Variants in DTX1 observed in about 807,000 individuals in gnomAD.
The protein encoded by DTX1 is deltex E3 ubiquitin ligase 1.
In DTX1, 26 loss-of-function variants were observed where a neutral mutation model predicts 57.8. The observed-to-expected ratio is 0.45, with a 90% CI of 0.33 to 0.62. The LOEUF is 0.62. Among genes scored for constraint, DTX1 ranks in the 20% least tolerant of loss-of-function variants. The probability of loss-of-function intolerance (pLI) is 0.02; values close to 1 mark genes in which losing one functional copy is unlikely to be tolerated. For missense variants in DTX1, 704 were observed against 895.3 expected, an observed-to-expected ratio of 0.79 and a Z score of 2.73; for synonymous variants, 398 against 394.1, an observed-to-expected ratio of 1.01 and a Z score of -0.12.
At chr12:113,060,140 T>C (rs57893303) in intron 2 of DTX1, among the ~76,000 whole-genome samples, 13,800 of 152,264 alleles carry the variant, frequency 0.091, 656 homozygotes, top group Middle Eastern at 0.11. Flanking sequence ...TGGTACAGAT[T>C]AGTACATCTA....
rs1471556175 is a variant in DTX1 at position 113,096,811 on chromosome 12, G to A, written c.1735G>A (p.Glu579Lys). The A allele has an allele frequency of 3.7e-6, 6 of 1,613,784 alleles. No individual in the cohort carries two copies. In the African/African-American group the frequency reaches 4.0e-5, roughly 11 times the overall value. The change falls in exon 10 of 10, where the codon GAG (glutamate) becomes AAG (lysine). Residue 579 changes from glutamate to lysine, a missense_variant. This residue lies in a region of DTX1 where 168 missense variants were observed against 255.6 expected (regional missense o/e 0.66). Coordinates refer to ENST00000548759, the MANE Select transcript of DTX1 (RefSeq NM_004416.3). ...TGESDTVVWNEIHHKTEFGSN... is the reference protein window; with the variant it reads ...TGESDTVVWNKIHHKTEFGSN... ...CGAGTCGGACACCGTGGTGTGGAACGAGATCCACCACAAGACCGAGTTTGG... is the reference window on the plus strand; with the variant it reads ...CGAGTCGGACACCGTGGTGTGGAACAAGATCCACCACAAGACCGAGTTTGG...
intron 2 of DTX1, among the ~76,000 whole-genome samples, chr12:113,065,304 G>A (rs952284765): frequency 6.6e-6 from 1 of 152,200 alleles, no homozygotes; most frequent in African/African-American, 2.4e-5. Context: ...AGCTCAGAGG[G>A]TGGGGAGCCG....
rs1385064620 is a variant in DTX1, at chr12:113,096,989, T to A, written c.*50T>A. On this transcript the variant is annotated 3_prime_UTR_variant, in exon 10 of 10. Transcript: ENST00000548759. Reference sequence around the variant, plus strand: ...CCTGCTTTGCCCCTGGTCCGGCAAATGCCTCCTTCGCCAGGTGTGTCCTGG... The same window carrying A: ...CCTGCTTTGCCCCTGGTCCGGCAAAAGCCTCCTTCGCCAGGTGTGTCCTGG... 3 of 1,541,830 alleles carry A rather than the reference T, an allele frequency of 1.9e-6. No homozygotes were observed. Among genetic ancestry groups the A allele is most frequent in the Non-Finnish European group, 2.6e-6 (3 of 1,145,238 alleles).
chr12:113,071,854 T>G (rs928673268), intron 2 of DTX1, among the ~76,000 whole-genome samples: 7 of 152,212 alleles, frequency 4.6e-5, no homozygotes, highest in African/African-American at 1.7e-4. Context: ...TAATTACTCC[T>G]GCTCTCCAGG....
chr12:113,075,899 G>A (rs188007443), intron 2 of DTX1, among the ~76,000 whole-genome samples: 9 of 152,202 alleles, frequency 5.9e-5, no homozygotes, highest in Admixed American at 5.9e-4. Context: ...CTGTGTGCAG[G>A]TGCTGGGGAT....
At chr12:113,060,304 G>T (rs1000831857) in intron 2 of DTX1, among the ~76,000 whole-genome samples, 2 of 152,138 alleles carry the variant, frequency 1.3e-5, no homozygotes, top group African/African-American at 4.8e-5. Flanking sequence ...ATCAGTCGAG[G>T]TCTTGTGCTG....
At chr12:113,066,315 G>A (rs1442498343) in intron 2 of DTX1, among the ~76,000 whole-genome samples, 1 of 152,140 alleles carries the variant, frequency 6.6e-6, no homozygotes, top group Non-Finnish European at 1.5e-5. Flanking sequence ...GATCACCTGA[G>A]GTCAGGAGTT....
At chr12:113,064,110 T>C (rs1221579595) in intron 2 of DTX1, among the ~76,000 whole-genome samples, 1 of 152,188 alleles carries the variant, frequency 6.6e-6, no homozygotes, top group African/African-American at 2.4e-5. Flanking sequence ...TGCACTACCC[T>C]GGAGGCCTCC....
chr12:113,088,187 C>T (rs1950219191), intron 3 of DTX1, among the ~76,000 whole-genome samples: 1 of 152,212 alleles, frequency 6.6e-6, no homozygotes, highest in Non-Finnish European at 1.5e-5. Context: ...AGTCATTTCC[C>T]TTCTCTGGGC....
Position 113,077,346 on chromosome 12 carries a change from G to A in DTX1, c.260-78G>A. On this transcript the variant is annotated intron_variant, in intron 2 of 9. Transcript: ENST00000548759. This position sits in a 1 kb window ranked among gnomAD's most constrained non-coding sequence, Gnocchi z 7.8. The stretch of plus-strand genomic sequence containing the variant: ...ACCCCCCAACCTCCCGCCCACCCTT[G>A]CCTGGCTGTGGCCCGCCCTTCCAGC... 1.2e-6 allele frequency: 1 copy of A among 849,424 alleles called. No individual in the cohort carries two copies. The highest frequency in any genetic ancestry group is 1.7e-6 in the Non-Finnish European group (1 of 585,864). The allele number at this position is 849,424 out of a possible 1,614,324, so 52.6% of individuals were successfully genotyped here.
At chr12:113,082,012 T>C (rs974540913) in intron 3 of DTX1, among the ~76,000 whole-genome samples, 6 of 152,130 alleles carry the variant, frequency 3.9e-5, no homozygotes, top group East Asian at 1.9e-4. Context: ...GTTTTCTCTT[T>C]GGGGGTGCGG....
At chr12:113,067,902 G>A (rs1316203856) in intron 2 of DTX1, among the ~76,000 whole-genome samples, 1 of 151,942 alleles carries the variant, frequency 6.6e-6, no homozygotes, top group Non-Finnish European at 1.5e-5. Context: ...AGCTAGACAT[G>A]ATGGCACACA....
In DTX1 at chr12:113,078,027, C is replaced by T. The variant is rs190645916; in HGVS notation, c.863C>T (p.Thr288Ile). ...CCGGGCGCCCCCGGCGGAGCGCGCACCCCGGGGCAGAACAACCTCAACCGG... is the reference window on the plus strand; with the variant it reads ...CCGGGCGCCCCCGGCGGAGCGCGCATCCCGGGGCAGAACAACCTCAACCGG... The part of the protein sequence containing the change: ...RSPGAPGGAR[T>I]PGQNNLNRPG... The change falls in exon 3 of 10, where the codon ACC (threonine) becomes ATC (isoleucine). Residue 288 changes from threonine (T) to isoleucine (I), a missense_variant. Thr to Ile is a moderately conservative substitution (Grantham distance 89, BLOSUM62 -1). Coordinates refer to ENST00000548759, the MANE Select transcript of DTX1 (RefSeq NM_004416.3). 2 of 1,271,880 alleles carry T rather than the reference C, an allele frequency of 1.6e-6. No homozygotes were observed. The highest frequency in any genetic ancestry group is 2.2e-5 in the South Asian group (1 of 46,096). The allele number at this position is 1,271,880 out of a possible 1,614,324, so 78.8% of individuals were successfully genotyped here.
In DTX1 at chr12:113,057,841, G is replaced by A. The variant is rs1732786; in HGVS notation, c.-352G>A. The stretch of plus-strand genomic sequence containing the variant: ...GGGAAGAGGGACCAAGAGACAACAC[G>A]GAAGAGGCTGGACCTCGAACAGGGG... On this transcript the variant is annotated 5_prime_UTR_variant, in exon 2 of 10. Transcript: ENST00000548759. 0.67 allele frequency: 174,706 copies of A among 259,866 alleles called. 60,334 individuals are homozygous for A. Among genetic ancestry groups the A allele is most frequent in the Middle Eastern group, 0.74 (573 of 774 alleles). 16.1% of individuals were successfully genotyped at this position (259,866 alleles called of 1,614,324 possible).
chr12:113,065,475 G>C (rs768048317), intron 2 of DTX1, among the ~76,000 whole-genome samples: 25 of 152,062 alleles, frequency 1.6e-4, no homozygotes, highest in Non-Finnish European at 3.2e-4. Context: ...GCCCGGGACA[G>C]ACCCCCTCGC....
intron 2 of DTX1, among the ~76,000 whole-genome samples, chr12:113,076,309 A>C (rs958091973): frequency 6.6e-6 from 1 of 152,076 alleles, no homozygotes. Context: ...AAATACAAAA[A>C]TTAGCCCAGC....
At chr12:113,069,121 G>C (rs2044723396) in intron 2 of DTX1, among the ~76,000 whole-genome samples, 1 of 152,220 alleles carries the variant, frequency 6.6e-6, no homozygotes, top group Non-Finnish European at 1.5e-5. Context: ...CACATAGTAG[G>C]CCCTCTGGGA....
At chr12:113,062,310 A>G (rs1318560388) in intron 2 of DTX1, among the ~76,000 whole-genome samples, 1 of 152,188 alleles carries the variant, frequency 6.6e-6, no homozygotes, top group Admixed American at 6.5e-5. Flanking sequence ...TGTTGTAACT[A>G]TTCAACTCTA....
chr12:113,078,235 T>A lies in DTX1; in HGVS notation c.941+130T>A, dbSNP rs111989768. 1.4e-3 allele frequency: 1,068 copies of A among 768,330 alleles called. 9 individuals are homozygous for A. The African/African-American group carries it at 0.018, about 13-fold the overall frequency. 47.6% of individuals were successfully genotyped at this position (768,330 alleles called of 1,614,324 possible). ...TAATGACGATAAGTAATATCCAGCA[T>A]GCACTAAATGTTCATTTTGTGCCAA... On this transcript the variant is annotated intron_variant, in intron 3 of 9. Coordinates refer to ENST00000548759, the MANE Select transcript of DTX1 (RefSeq NM_004416.3).
Sources: gnomAD v4.1 joint callset for allele counts (sites outside exome capture counted in the v4.1 genomes callset) on GRCh38, gnomAD v4.1.1 for gene constraint, gnomAD v4.1.1 regional missense constraint, Gnocchi (gnomAD v3.1) non-coding constraint, MANE v1.5 for transcripts, NCBI Gene and HGNC (gene_info 2026-07-23, HGNC 2026-07-21) for gene names.